ZC3H3: variants seen among roughly 807,000 people sequenced by gnomAD.
ZC3H3 encodes the protein zinc finger CCCH domain-containing protein 3.
Under a neutral mutation model 77.3 loss-of-function variants are expected in ZC3H3, and 36 were observed. The observed-to-expected ratio is 0.47, with a 90% confidence interval of 0.36 to 0.61. ZC3H3 has a LOEUF of 0.61. Ranked by LOEUF, ZC3H3 falls within the 20% of genes least tolerant of loss-of-function variation. ZC3H3 has a pLI of 0.00. For missense variants in ZC3H3, 1,331 were observed against 1,312.2 expected, an observed-to-expected ratio of 1.01 and a Z score of -0.22; for synonymous variants, 626 against 555.2, an observed-to-expected ratio of 1.13 and a Z score of -1.79.
In ZC3H3 at chr8:143,533,825, G is replaced by A. The variant is rs1198304863; in HGVS notation, c.1561+2432C>T. On this transcript the variant is annotated intron_variant, in intron 3 of 11. Coordinates refer to ENST00000262577, the MANE Select transcript of ZC3H3 (RefSeq NM_015117.3). The surrounding 1 kb of genome is among the most constrained non-coding windows in gnomAD (Gnocchi z 4.0). ...CGAGTAGATGGGATTACAGACGCTC[G>A]CCACCACACCCAGCTAATTTTTGTA... Among the ~76,000 whole-genome samples, 3 of 151,804 alleles carry A rather than the reference G, an allele frequency of 2.0e-5. No homozygotes were observed. Among genetic ancestry groups the A allele is most frequent in the South Asian group, 2.1e-4 (1 of 4,816 alleles).
chr8:143,461,170 A>G (rs1199537384), intron 9 of ZC3H3, among the ~76,000 whole-genome samples: 1 of 152,206 alleles, frequency 6.6e-6, no homozygotes, highest in Non-Finnish European at 1.5e-5. Context: ...GTACACTAAA[A>G]TGGGTGAATT....
At chr8:143,500,367 C>T (rs958336529) in intron 4 of ZC3H3, among the ~76,000 whole-genome samples, 17 of 152,370 alleles carry the variant, frequency 1.1e-4, no homozygotes, top group African/African-American at 4.1e-4. Context: ...ACTGACACCC[C>T]TTTGGTGTCT....
intron 9 of ZC3H3, among the ~76,000 whole-genome samples, chr8:143,442,355 G>A (rs1479342597): frequency 6.7e-6 from 1 of 150,016 alleles, no homozygotes; most frequent in Non-Finnish European, 1.5e-5. Flanking sequence ...AGGGGCCTGC[G>A]GCTGGAGAGA....
At chr8:143,510,499 C>G (rs1279669392) in intron 3 of ZC3H3, among the ~76,000 whole-genome samples, 2 of 152,258 alleles carry the variant, frequency 1.3e-5, no homozygotes, top group African/African-American at 4.8e-5. Flanking sequence ...CTGAGCTGGG[C>G]ACCCAGCGAC....
At chr8:143,446,754 C>CAAA (rs1408934357) in intron 9 of ZC3H3, among the ~76,000 whole-genome samples, 17 of 152,274 alleles carry the variant, frequency 1.1e-4, no homozygotes, top group Non-Finnish European at 2.4e-4. Flanking sequence ...TGGGTGGGCT[C>CAAA]ATGTTTCCAG....
At chr8:143,524,937 G>T (rs562306554) in intron 3 of ZC3H3, among the ~76,000 whole-genome samples, 2 of 121,540 alleles carry the variant, frequency 1.6e-5, no homozygotes, top group South Asian at 5.6e-4. Flanking sequence ...GGAGCTTGGG[G>T]CCCCAGGGCT....
At chr8:143,490,515 A>G (rs929827585) in intron 4 of ZC3H3, among the ~76,000 whole-genome samples, 4 of 152,242 alleles carry the variant, frequency 2.6e-5, no homozygotes, top group African/African-American at 9.6e-5. Context: ...AGGTAGGCAG[A>G]TGTGCCACCC....
intron 3 of ZC3H3, among the ~76,000 whole-genome samples, chr8:143,511,301 C>T (rs969396486): frequency 6.6e-6 from 1 of 152,228 alleles, no homozygotes; most frequent in Non-Finnish European, 1.5e-5. Context: ...TCTCCTCGGA[C>T]AATTCCAACA....
In ZC3H3 at chr8:143,440,247, G is replaced by A. The variant is rs1344069729; in HGVS notation, c.2609C>T (p.Ser870Leu). The change falls in exon 11 of 12, where the codon TCG becomes TTG. Residue 870 changes from serine to leucine, a missense_variant. Around this residue, in one of 3 missense-constraint regions of ZC3H3, gnomAD observed 249 missense variants for 236.9 expected, o/e 1.05. Transcript: ENST00000262577. ...GGAGGAGGAGGAGGAGGAAGCCTTC[G>A]AGGATGAGGGAGAGGCTGACCCCCC... ...CPGGSASPSS[S>L]KASSSSSSSS... is the part of the protein sequence containing the mutation. 50 of 1,596,194 alleles carry A rather than the reference G, an allele frequency of 3.1e-5. No individual in the cohort carries two copies. Among genetic ancestry groups the A allele is most frequent in the Non-Finnish European group, 3.9e-5 (46 of 1,172,730 alleles).
At chr8:143,532,152 T>C (rs1446900221) in intron 3 of ZC3H3, among the ~76,000 whole-genome samples, 4 of 152,282 alleles carry the variant, frequency 2.6e-5, no homozygotes, top group Non-Finnish European at 4.4e-5. Context: ...GGAGTTTCGA[T>C]ACTGGCCCAG....
intron 4 of ZC3H3, among the ~76,000 whole-genome samples, chr8:143,482,382 C>T (rs867079552): frequency 3.9e-5 from 6 of 152,196 alleles, no homozygotes; most frequent in Non-Finnish European, 7.4e-5. Flanking sequence ...GCGGATGTGC[C>T]GGGCACGCAG....
chr8:143,499,421 TG>T (rs1821458313), intron 4 of ZC3H3, among the ~76,000 whole-genome samples: 2 of 151,332 alleles, frequency 1.3e-5, no homozygotes, highest in Admixed American at 6.6e-5. Context: ...GCTCTGGCCC[TG>T]GGTCTTGCCC....
At chr8:143,515,156 G>A (rs567528607) in intron 3 of ZC3H3, among the ~76,000 whole-genome samples, 34 of 152,294 alleles carry the variant, frequency 2.2e-4, no homozygotes, top group African/African-American at 6.7e-4. Flanking sequence ...CTCCCGCCTC[G>A]CTCCCCGATC....
chr8:143,468,216 T>C lies in ZC3H3; in HGVS notation c.2168A>G (p.Lys723Arg). ...GTCPFSHHVS[K>R]EKMPVCSYFL... The stretch of plus-strand genomic sequence containing the variant: ...CACCAGCGCCGCACTCACCTTCTCC[T>C]TGGACACATGGTGGGAGAAGGGGCA... Residue 723 changes from lysine (K) to arginine (R), a missense_variant, in exon 8 of 12, where the codon AAG becomes AGG. By Grantham distance (26) the Lys-to-Arg change is conservative (BLOSUM62 2). Around this residue, in one of 3 missense-constraint regions of ZC3H3, gnomAD observed 104 missense variants for 159.7 expected, o/e 0.65. Transcript: ENST00000262577. The C allele has an allele frequency of 1.2e-6, 2 of 1,612,558 alleles. No individual in the cohort carries two copies. Among genetic ancestry groups the C allele is most frequent in the Non-Finnish European group, 1.7e-6 (2 of 1,179,590 alleles).
rs746306450 is a variant in ZC3H3, at chr8:143,468,629, C to T, written c.1934G>A (p.Arg645His). The change falls in exon 6 of 12, where the codon CGT (arginine) becomes CAT (histidine). Residue 645 changes from arginine to histidine, a missense_variant. Physicochemically the swap from Arg to His is conservative, Grantham distance 29. Transcript: ENST00000262577. The stretch of plus-strand genomic sequence containing the variant: ...CCAAAGGCATTACCTGGCCAGGGAA[C>T]GGCTACAGCTGCCTGCAGGATCCAG... ...GRLDPAGSCS[R>H]SLASRAVQRS... 37 of 1,555,966 alleles carry T rather than the reference C, an allele frequency of 2.4e-5. No homozygotes were observed. The highest frequency in any genetic ancestry group is 1.7e-4 in the Middle Eastern group (1 of 5,818).
At position 143,462,145 on chromosome 8, in the gene ZC3H3, C is replaced by A. The variant is rs189918265; in HGVS notation, c.2307+3572G>T. Among the ~76,000 whole-genome samples the A allele has an allele frequency of 2.4e-3, 365 of 152,252 alleles. 1 individual carries two copies. Among genetic ancestry groups the A allele is most frequent in the Non-Finnish European group, 3.8e-3 (256 of 68,006 alleles). Reference sequence around the variant, plus strand: ...TAGGGAGGCCTCCCTGTGCCAGGGCCACCCAGGACACTGCCAGGCCCACTG... The same window carrying A: ...TAGGGAGGCCTCCCTGTGCCAGGGCAACCCAGGACACTGCCAGGCCCACTG... On this transcript the variant is annotated intron_variant, in intron 9 of 11. Transcript: ENST00000262577. The surrounding 1 kb of genome is among the most constrained non-coding windows in gnomAD (Gnocchi z 4.7).
intron 4 of ZC3H3, among the ~76,000 whole-genome samples, chr8:143,495,314 T>C (rs943849435): frequency 2.0e-5 from 3 of 152,130 alleles, no homozygotes; most frequent in Non-Finnish European, 4.4e-5. Context: ...TGCGAGAACA[T>C]CTGACTCCAT....
rs557117815 is a variant in ZC3H3, at chr8:143,528,203, G to A, written c.1561+8054C>T. Among the ~76,000 whole-genome samples the A allele has an allele frequency of 3.3e-5, 5 of 152,330 alleles. No individual in the cohort carries two copies. The South Asian group carries it at 1.0e-3, about 32-fold the overall frequency. On this transcript the variant is annotated intron_variant, in intron 3 of 11. Coordinates refer to ENST00000262577, the MANE Select transcript of ZC3H3 (RefSeq NM_015117.3). Reference sequence around the variant, plus strand: ...GGCCCTGCGTGCTCCTGCCTCCTCGGGGGCCGCCACTCATCTCTGCGCAGG... The same window carrying A: ...GGCCCTGCGTGCTCCTGCCTCCTCGAGGGCCGCCACTCATCTCTGCGCAGG...
intron 3 of ZC3H3, among the ~76,000 whole-genome samples, chr8:143,510,103 T>C (rs1821826453): frequency 6.6e-6 from 1 of 152,218 alleles, no homozygotes; most frequent in Non-Finnish European, 1.5e-5. Context: ...CAGGTCAGGC[T>C]TCTTTGCCTT....
Sources: gnomAD v4.1 joint callset for allele counts (sites outside exome capture counted in the v4.1 genomes callset) on GRCh38, gnomAD v4.1.1 for gene constraint, gnomAD v4.1.1 regional missense constraint, Gnocchi (gnomAD v3.1) non-coding constraint, MANE v1.5 for transcripts, NCBI Gene and HGNC (gene_info 2026-07-23, HGNC 2026-07-21) for gene names.